Variants in NLGN4X observed in about 807,000 individuals in gnomAD.
The protein encoded by NLGN4X is neuroligin-4, X-linked.
NLGN4X carries 3 observed loss-of-function variants against 40.3 expected under a neutral mutation model. That is an observed-to-expected ratio of 0.07 (90% CI 0.03 to 0.19). NLGN4X has a LOEUF of 0.19. Ranked by LOEUF, NLGN4X falls within the 10% of genes least tolerant of loss-of-function variation. NLGN4X has a pLI of 1.00. For synonymous variants in NLGN4X, 270 were observed against 306.8 expected, an observed-to-expected ratio of 0.88 and a Z score of 1.25; for missense variants, 382 against 708.3, an observed-to-expected ratio of 0.54 and a Z score of 5.23.
At chrX:6,102,203 T>C (rs977399391) in intron 2 of NLGN4X, among the ~76,000 whole-genome samples, 2 of 111,979 alleles carry the variant, frequency 1.8e-5, no homozygotes, top group African/African-American at 6.5e-5. Context: ...CCATTTTCTA[T>C]GATATGATTA....
chrX:6,188,173 G>T (rs750708577), intron 1 of NLGN4X, among the ~76,000 whole-genome samples: 2 of 111,979 alleles, frequency 1.8e-5, no homozygotes, highest in South Asian at 7.5e-4. Flanking sequence ...ATTAGATATT[G>T]AAGTTTTGAT....
chrX:6,123,385 T>C (rs757740269), intron 2 of NLGN4X, among the ~76,000 whole-genome samples: 27 of 111,994 alleles, frequency 2.4e-4, no homozygotes, highest in Non-Finnish European at 3.0e-4. Context: ...ATTTAAATGA[T>C]AGCTTAAATC....
At chrX:5,961,384 T>C (rs1192305788) in intron 3 of NLGN4X, among the ~76,000 whole-genome samples, 2 of 112,392 alleles carry the variant, frequency 1.8e-5, no homozygotes, top group East Asian at 5.6e-4. Flanking sequence ...CTTATTTAAG[T>C]AAATTACAAT....
At chrX:6,073,274 A>AT (rs1298884689) in intron 2 of NLGN4X, among the ~76,000 whole-genome samples, 2 of 111,844 alleles carry the variant, frequency 1.8e-5, no homozygotes, top group Non-Finnish European at 3.8e-5. Flanking sequence ...GACTTTTTAC[A>AT]TTTTTTCTAC....
Position 6,151,135 on chromosome X carries a change from G to A in NLGN4X, c.332C>T (p.Pro111Leu). 1 of 1,211,707 alleles carries A rather than the reference G, an allele frequency of 8.3e-7. No individual in the cohort carries two copies. The highest frequency in any genetic ancestry group is 1.1e-6 in the Non-Finnish European group (1 of 895,384). ...RNTTQFAAVC[P>L]QHLDERSLLH... ...TAAGGATCTCTCATCCAGGTGCTGG[G>A]GGCACACAGCAGCAAACTGAGTAGT... is the stretch of plus-strand genomic sequence containing the variant. Residue 111 changes from proline (P) to leucine (L), a missense_variant, in exon 2 of 6, where the codon CCC becomes CTC. Coordinates refer to ENST00000381095, the MANE Select transcript of NLGN4X (RefSeq NM_181332.3).
intron 1 of NLGN4X, among the ~76,000 whole-genome samples, chrX:6,222,215 C>T (rs760881781): frequency 1.2e-3 from 132 of 110,901 alleles, no homozygotes; most frequent in African/African-American, 4.3e-3. Context: ...AGAAAATGAG[C>T]CTGGATGAAG....
At chrX:5,895,375 T>C (rs1416048321) in intron 5 of NLGN4X, among the ~76,000 whole-genome samples, 2 of 110,991 alleles carry the variant, frequency 1.8e-5, no homozygotes, top group Admixed American at 9.6e-5. Flanking sequence ...TATTACCCCC[T>C]CTCTTCCAAT....
intron 2 of NLGN4X, among the ~76,000 whole-genome samples, chrX:6,031,511 T>C (rs4543678): frequency 0.31 from 34,216 of 110,265 alleles, 4,788 homozygotes; most frequent in East Asian, 0.59. Flanking sequence ...TGGAGAACAG[T>C]TGATTTATGA....
intron 2 of NLGN4X, among the ~76,000 whole-genome samples, chrX:6,142,318 G>A (rs1042726239): frequency 2.7e-5 from 3 of 112,343 alleles, no homozygotes; most frequent in African/African-American, 9.7e-5. Context: ...TTATTACTCA[G>A]TATTCAAATT....
At chrX:5,952,742 T>A (rs1372422371) in intron 3 of NLGN4X, among the ~76,000 whole-genome samples, 2 of 111,290 alleles carry the variant, frequency 1.8e-5, no homozygotes, top group Non-Finnish European at 3.8e-5. Context: ...GCTGGCTGGC[T>A]GGCTGGCAAC....
intron 1 of NLGN4X, among the ~76,000 whole-genome samples, chrX:6,225,689 CTTTTTT>C (rs749574818): frequency 0.01 from 273 of 26,751 alleles, no homozygotes; most frequent in Non-Finnish European, 0.015. Context: ...TTCTTTTTTT[CTTTTTT>C]TTTTTTTTTT....
intron 1 of NLGN4X, among the ~76,000 whole-genome samples, chrX:6,193,104 T>G (rs112065720): frequency 0.016 from 1,842 of 111,926 alleles, 37 homozygotes; most frequent in African/African-American, 0.055. Context: ...CATTGCCTCG[T>G]CCTTCTGAGA....
chrX:6,044,180 G>A (rs2147269190), intron 2 of NLGN4X, among the ~76,000 whole-genome samples: 1 of 111,559 alleles, frequency 9.0e-6, no homozygotes, highest in East Asian at 2.8e-4. Flanking sequence ...CTGCTCAGGA[G>A]GCTGAGGTGG....
chrX:6,202,605 A>T (rs898991833), intron 1 of NLGN4X, among the ~76,000 whole-genome samples: 2 of 110,567 alleles, frequency 1.8e-5, no homozygotes, highest in African/African-American at 6.6e-5. Context: ...AAAGTGCTGG[A>T]TTTACAGGCA....
intron 1 of NLGN4X, among the ~76,000 whole-genome samples, chrX:6,175,667 A>AAAAAC (rs2040715033): frequency 9.3e-6 from 1 of 108,084 alleles, no homozygotes; most frequent in Non-Finnish European, 1.9e-5. Context: ...AAAAAAAAAA[A>AAAAAC]AAAAAACAAG....
intron 1 of NLGN4X, among the ~76,000 whole-genome samples, chrX:6,220,191 A>G (rs1395210072): frequency 9.0e-6 from 1 of 111,538 alleles, no homozygotes; most frequent in Admixed American, 9.6e-5. Flanking sequence ...ATTGTTTCAA[A>G]CTCTACCACC....
chrX:6,073,260 A>C (rs746254056), intron 2 of NLGN4X, among the ~76,000 whole-genome samples: 53 of 112,085 alleles, frequency 4.7e-4, no homozygotes, highest in Non-Finnish European at 9.0e-4. Context: ...TTACACTAGA[A>C]ACTGACTTTT....
chrX:5,979,754 A>ATG (rs1322128152), intron 3 of NLGN4X, among the ~76,000 whole-genome samples: 1 of 98,470 alleles, frequency 1.0e-5, no homozygotes, highest in Non-Finnish European at 1.9e-5. Context: ...ATACATATAT[A>ATG]TGTGTATATA....
At chrX:5,922,866 T>A (rs2033125650) in intron 3 of NLGN4X, among the ~76,000 whole-genome samples, 1 of 109,473 alleles carries the variant, frequency 9.1e-6, no homozygotes, top group Admixed American at 9.8e-5. Flanking sequence ...CCATCTCAAA[T>A]AAATAAATAA....
Sources: gnomAD v4.1 joint callset for allele counts (sites outside exome capture counted in the v4.1 genomes callset) on GRCh38, gnomAD v4.1.1 for gene constraint, MANE v1.5 for transcripts, NCBI Gene and HGNC (gene_info 2026-07-23, HGNC 2026-07-21) for gene names.